Variants in FSTL5 observed in about 807,000 individuals in gnomAD.
FSTL5 encodes the protein follistatin-related protein 5.
Under a neutral mutation model 89.1 loss-of-function variants are expected in FSTL5, and 62 were observed. The ratio of observed to expected loss-of-function variants is 0.70; its 90% CI spans 0.57 to 0.86. The LOEUF is 0.86. Among genes scored for constraint, FSTL5 ranks in the 40% least tolerant of loss-of-function variants. FSTL5 has a pLI of 0.00. For missense variants in FSTL5, 1,057 were observed against 1,001.6 expected (o/e 1.06, Z -0.75); for synonymous variants, 383 against 346.2 (o/e 1.11, Z -1.18).
chr4:161,801,352 T>C (rs938502637), intron 4 of FSTL5, among the ~76,000 whole-genome samples: 2 of 151,572 alleles, frequency 1.3e-5, no homozygotes, highest in African/African-American at 4.8e-5. Context: ...ATTCATTCAA[T>C]GCATATTTAT....
chr4:162,122,586 A>G (rs1731912860), intron 1 of FSTL5, among the ~76,000 whole-genome samples: 1 of 152,066 alleles, frequency 6.6e-6, no homozygotes, highest in Admixed American at 6.6e-5. Flanking sequence ...GTTTTTTTAA[A>G]TTTATTTTCA....
intron 2 of FSTL5, among the ~76,000 whole-genome samples, chr4:162,084,228 C>A (rs971502594): frequency 6.6e-6 from 1 of 151,740 alleles, no homozygotes. Flanking sequence ...ACAAAATAAT[C>A]CTGATTGGTC....
chr4:161,859,409 TTTC>T (rs1473794144), intron 4 of FSTL5, among the ~76,000 whole-genome samples: 1 of 152,206 alleles, frequency 6.6e-6, no homozygotes, highest in Non-Finnish European at 1.5e-5. Flanking sequence ...CTTCCAAACA[TTTC>T]TTTCAGTCTT....
intron 15 of FSTL5, among the ~76,000 whole-genome samples, chr4:161,397,639 AC>A: frequency 8.1e-6 from 1 of 123,218 alleles, no homozygotes; most frequent in Non-Finnish European, 1.8e-5. Context: ...GAAACAAAAA[AC>A]ATACATATTG....
chr4:161,596,774 A>G (rs1174174839), intron 7 of FSTL5, among the ~76,000 whole-genome samples: 8 of 152,188 alleles, frequency 5.3e-5, no homozygotes, highest in Non-Finnish European at 1.0e-4. Flanking sequence ...AAGTTTTTAC[A>G]GTCACTCTTG....
chr4:161,681,974 C>G (rs568249757), intron 6 of FSTL5, among the ~76,000 whole-genome samples: 2 of 152,166 alleles, frequency 1.3e-5, no homozygotes, highest in South Asian at 4.1e-4. Context: ...TACTATACAC[C>G]TGCAGTAGAT....
intron 4 of FSTL5, among the ~76,000 whole-genome samples, chr4:161,892,283 C>A (rs1733012361): frequency 6.6e-6 from 1 of 151,858 alleles, no homozygotes; most frequent in African/African-American, 2.4e-5. Flanking sequence ...TAGTGACAGT[C>A]CCATATAATC....
intron 1 of FSTL5, among the ~76,000 whole-genome samples, chr4:162,133,718 G>C (rs1174383004): frequency 6.6e-6 from 1 of 152,140 alleles, no homozygotes; most frequent in Non-Finnish European, 1.5e-5. Context: ...CTTCCTAAAT[G>C]TGTTATTGTT....
intron 10 of FSTL5, among the ~76,000 whole-genome samples, chr4:161,512,062 G>T (rs1730668791): frequency 6.6e-6 from 1 of 152,042 alleles, no homozygotes; most frequent in Non-Finnish European, 1.5e-5. Flanking sequence ...GGTAAGACTG[G>T]TTTAAAAAAA....
At chr4:161,983,133 C>T (rs1735871835) in intron 3 of FSTL5, among the ~76,000 whole-genome samples, 1 of 152,188 alleles carries the variant, frequency 6.6e-6, no homozygotes, top group Non-Finnish European at 1.5e-5. Flanking sequence ...AAGGTTTTTA[C>T]AGCATGAAGA....
chr4:161,449,303 T>C (rs1733066581), intron 15 of FSTL5, among the ~76,000 whole-genome samples: 1 of 152,148 alleles, frequency 6.6e-6, no homozygotes, highest in South Asian at 2.1e-4. Flanking sequence ...CAATAATAAG[T>C]ATATCAATTT....
intron 12 of FSTL5, among the ~76,000 whole-genome samples, chr4:161,499,151 G>A (rs1432954659): frequency 6.6e-6 from 1 of 152,042 alleles, no homozygotes; most frequent in Non-Finnish European, 1.5e-5. Flanking sequence ...GCAGTGAGCC[G>A]AGATCACTCC....
In FSTL5 at chr4:162,100,002, A is replaced by G. The variant is rs1275966459; in HGVS notation, c.126+11269T>C. Among the ~76,000 whole-genome samples, 14 of 152,312 alleles carry G rather than the reference A, an allele frequency of 9.2e-5. No homozygotes were observed. In the East Asian group the frequency reaches 2.7e-3, roughly 29 times the overall value. On this transcript the variant is annotated intron_variant, in intron 2 of 15. Coordinates refer to ENST00000306100, the MANE Select transcript of FSTL5 (RefSeq NM_020116.5). The stretch of plus-strand genomic sequence containing the variant: ...AAATTATACAGCCACTGTAGAATAC[A>G]GTTTGGCAGTTTCTTACAAAACTAA...
intron 4 of FSTL5, among the ~76,000 whole-genome samples, chr4:161,827,353 G>A (rs1335274655): frequency 6.6e-6 from 1 of 152,216 alleles, no homozygotes; most frequent in East Asian, 1.9e-4. Flanking sequence ...GGTGGAGGTG[G>A]CAGGGGAGTG....
intron 6 of FSTL5, among the ~76,000 whole-genome samples, chr4:161,730,713 G>C (rs1329051407): frequency 2.0e-5 from 3 of 152,100 alleles, no homozygotes; most frequent in African/African-American, 7.2e-5. Context: ...CCAGAATGCA[G>C]GGTCTACAGA....
At chr4:161,920,032 A>C (rs1025081915) in intron 4 of FSTL5, among the ~76,000 whole-genome samples, 1 of 152,200 alleles carries the variant, frequency 6.6e-6, no homozygotes, top group Admixed American at 6.5e-5. Context: ...ATGTTATCAC[A>C]GCATGGCTTG....
chr4:161,777,241 G>GTATATA (rs1377922910), intron 4 of FSTL5, among the ~76,000 whole-genome samples: 1 of 24,644 alleles, frequency 4.1e-5, no homozygotes, highest in East Asian at 2.3e-3. Flanking sequence ...ATATTTCATT[G>GTATATA]TGTATATATA....
chr4:161,935,343 C>A (rs1426497676), intron 3 of FSTL5, among the ~76,000 whole-genome samples: 4 of 152,120 alleles, frequency 2.6e-5, no homozygotes, highest in Non-Finnish European at 5.9e-5. Flanking sequence ...ATCAGTGATG[C>A]AGAATCTTTG....
At chr4:161,763,234 C>T (rs1173014047) in intron 5 of FSTL5, among the ~76,000 whole-genome samples, 2 of 151,964 alleles carry the variant, frequency 1.3e-5, no homozygotes, top group Non-Finnish European at 2.9e-5. Flanking sequence ...AAAATCTTTC[C>T]CATATGAAAC....
Sources: allele counts gnomAD v4.1 joint callset (sites outside exome capture counted in the v4.1 genomes callset), GRCh38; gene constraint gnomAD v4.1.1; transcripts MANE v1.5; gene names NCBI Gene and HGNC (gene_info 2026-07-23, HGNC 2026-07-21).